The following DNM3 variants were observed in gnomAD, a reference collection of about 807,000 sequenced individuals.
DNM3 encodes dynamin-3.
Under a neutral mutation model 101.6 loss-of-function variants are expected in DNM3, and 47 were observed. The observed-to-expected ratio is 0.46, with a 90% CI of 0.37 to 0.59. The LOEUF (loss-of-function observed/expected upper bound fraction) is 0.59. Among genes scored for constraint, DNM3 ranks in the 20% least tolerant of loss-of-function variants. DNM3 has a pLI of 0.00. For missense variants in DNM3, 849 were observed against 1,085.7 expected (o/e 0.78, Z 3.06); for synonymous variants, 385 against 387.9 (o/e 0.99, Z 0.09).
At chr1:172,115,162 G>A (rs913588738) in intron 13 of DNM3, among the ~76,000 whole-genome samples, 1 of 152,178 alleles carries the variant, frequency 6.6e-6, no homozygotes, top group African/African-American at 2.4e-5. Flanking sequence ...TATATTTGGT[G>A]CTGGAGATAG....
intron 14 of DNM3, among the ~76,000 whole-genome samples, chr1:172,193,722 T>G (rs2059830671): frequency 6.6e-6 from 1 of 152,208 alleles, no homozygotes; most frequent in Admixed American, 6.6e-5. Flanking sequence ...TTTATCATTT[T>G]TTGTTGCATC....
chr1:172,342,701 G>A (rs77782452), intron 17 of DNM3, among the ~76,000 whole-genome samples: 85 of 152,162 alleles, frequency 5.6e-4, no homozygotes, highest in African/African-American at 2.0e-3. Context: ...TAACAAACTT[G>A]CATGTGTACC....
At chr1:172,045,180 G>C (rs74783644) in intron 9 of DNM3, among the ~76,000 whole-genome samples, 9 of 152,170 alleles carry the variant, frequency 5.9e-5, no homozygotes, top group Non-Finnish European at 1.3e-4. Flanking sequence ...GTTGGGGGTG[G>C]GGTAGAACTT....
At chr1:171,856,693 G>T (rs2033648581) in intron 1 of DNM3, among the ~76,000 whole-genome samples, 1 of 152,094 alleles carries the variant, frequency 6.6e-6, no homozygotes, top group Non-Finnish European at 1.5e-5. Flanking sequence ...TTGGTATATA[G>T]AAATGATAGT....
At chr1:172,199,099 T>C (rs187884998) in intron 14 of DNM3, among the ~76,000 whole-genome samples, 20 of 152,080 alleles carry the variant, frequency 1.3e-4, no homozygotes, top group Non-Finnish European at 2.9e-5. Flanking sequence ...GAGATTCTGG[T>C]GTGTTGTATC....
intron 9 of DNM3, 133 bp from the exon 10 acceptor site, chr1:172,048,479 A>G (rs2049975220): frequency 1.0e-6 from 1 of 964,848 alleles, no homozygotes; most frequent in Non-Finnish European, 1.5e-6. Context: ...CATTTTGGGC[A>G]CTATGTAACT....
Position 171,989,944 on chromosome 1 carries a change from T to TTTAGGATTCATTCA in DNM3, c.589+797_589+798insTAGGATTCATTCAT, listed in dbSNP as rs535010283. ...ATGTTAGAACTCCTAAATGAATCCT[T>TTTAGGATTCATTCA]TATTTCAATCTTTCTCTTCTATAAT... is the stretch of plus-strand genomic sequence containing the variant. On this transcript the variant is annotated intron_variant, in intron 4 of 20. Coordinates refer to ENST00000627582, the MANE Select transcript of DNM3 (RefSeq NM_015569.5). Among the ~76,000 whole-genome samples, 457 of 152,288 alleles carry TTTAGGATTCATTCA rather than the reference T, an allele frequency of 3.0e-3. 3 individuals carry two copies. Among genetic ancestry groups the TTTAGGATTCATTCA allele is most frequent in the African/African-American group, 9.9e-3 (413 of 41,568 alleles).
chr1:172,061,592 T>A (rs369610931), intron 10 of DNM3, among the ~76,000 whole-genome samples: 1 of 150,902 alleles, frequency 6.6e-6, no homozygotes, highest in African/African-American at 2.4e-5. Flanking sequence ...GTAAACTATC[T>A]CAAGAACAAA....
intron 1 of DNM3, among the ~76,000 whole-genome samples, chr1:171,902,428 G>T (rs2125235447): frequency 6.6e-6 from 1 of 152,286 alleles, no homozygotes; most frequent in South Asian, 2.1e-4. Context: ...GAAACCTCCT[G>T]AGATCCAAAG....
intron 17 of DNM3, among the ~76,000 whole-genome samples, chr1:172,375,317 C>T (rs1486851656): frequency 2.6e-5 from 4 of 152,024 alleles, no homozygotes; most frequent in Non-Finnish European, 5.9e-5. Context: ...TTTGGAAACA[C>T]ATGTTTTGTC....
intron 17 of DNM3, among the ~76,000 whole-genome samples, chr1:172,326,262 C>A (rs1223425946): frequency 6.6e-6 from 1 of 152,118 alleles, no homozygotes; most frequent in Non-Finnish European, 1.5e-5. Context: ...TCCTTCCAGG[C>A]CTGTTACTTA....
chr1:172,345,793 A>G (rs1424325980), intron 17 of DNM3, among the ~76,000 whole-genome samples: 1 of 152,142 alleles, frequency 6.6e-6, no homozygotes, highest in Non-Finnish European at 1.5e-5. Flanking sequence ...ATTTCATATC[A>G]CCTTGTAACA....
At chr1:172,203,732 T>C (rs2060230639) in intron 14 of DNM3, among the ~76,000 whole-genome samples, 1 of 152,208 alleles carries the variant, frequency 6.6e-6, no homozygotes, top group Non-Finnish European at 1.5e-5. Context: ...GTTTTCTTCT[T>C]ATTATTAAAT....
At chr1:172,325,681 C>G (rs1234085528) in intron 17 of DNM3, among the ~76,000 whole-genome samples, 1 of 152,166 alleles carries the variant, frequency 6.6e-6, no homozygotes, top group East Asian at 1.9e-4. Flanking sequence ...ATATGAGATT[C>G]CTTTTTTCCT....
intron 14 of DNM3, among the ~76,000 whole-genome samples, chr1:172,195,409 C>T (rs2059910656): frequency 6.6e-6 from 1 of 151,790 alleles, no homozygotes; most frequent in Non-Finnish European, 1.5e-5. Flanking sequence ...CTGTATTTCT[C>T]TTATTTCCTT....
chr1:171,847,281 A>G (rs188258085), intron 1 of DNM3, among the ~76,000 whole-genome samples: 85 of 152,328 alleles, frequency 5.6e-4, no homozygotes, highest in African/African-American at 1.9e-3. Flanking sequence ...TTTTTACAAA[A>G]ATCCCTGAAA....
Position 171,863,106 on chromosome 1 carries a change from A to G in DNM3, c.161+21289A>G, listed in dbSNP as rs571766498. Among the ~76,000 whole-genome samples, 541 of 149,962 alleles carry G rather than the reference A, an allele frequency of 3.6e-3. 6 individuals carry two copies. The highest frequency in any genetic ancestry group is 0.013 in the African/African-American group (511 of 40,674). ...AAGGGGATGCTTTTTTTGATGGGAG[A>G]TATTAGAGCATTTTTGTTTGCTAGT... On this transcript the variant is annotated intron_variant, in intron 1 of 20. Coordinates refer to ENST00000627582, the MANE Select transcript of DNM3 (RefSeq NM_015569.5).
intron 14 of DNM3, among the ~76,000 whole-genome samples, chr1:172,248,908 T>TTATAA (rs1019095438): frequency 2.0e-4 from 31 of 152,126 alleles, no homozygotes; most frequent in African/African-American, 6.5e-4. Flanking sequence ...ATGCTAGGCA[T>TTATAA]TATATAGAAA....
At chr1:171,937,438 A>G (rs1458186124) in intron 2 of DNM3, among the ~76,000 whole-genome samples, 4 of 152,114 alleles carry the variant, frequency 2.6e-5, no homozygotes, top group Non-Finnish European at 5.9e-5. Flanking sequence ...AATCTCTTTA[A>G]TATTGTTATT....
Sources: gnomAD v4.1 joint callset for allele counts (sites outside exome capture counted in the v4.1 genomes callset) on GRCh38, gnomAD v4.1.1 for gene constraint, MANE v1.5 for transcripts, NCBI Gene and HGNC (gene_info 2026-07-23, HGNC 2026-07-21) for gene names.